Variants in KDM7A observed in about 807,000 individuals in gnomAD.
KDM7A encodes lysine demethylase 7A, also known as lysine-specific demethylase 7A.
In KDM7A, 28 loss-of-function variants were observed where a neutral mutation model predicts 114.8. The ratio of observed to expected loss-of-function variants is 0.24; its 90% confidence interval spans 0.18 to 0.33. The LOEUF (loss-of-function observed/expected upper bound fraction) is 0.33, where lower values mean the gene tolerates loss of function less well. Ranked by LOEUF, KDM7A falls within the 10% of genes least tolerant of loss-of-function variation. The pLI is 1.00. For missense variants in KDM7A, 942 were observed against 1,142.5 expected, an observed-to-expected ratio of 0.82 and a Z score of 2.53; for synonymous variants, 423 against 397.8, an observed-to-expected ratio of 1.06 and a Z score of -0.75.
At chr7:140,168,268 C>T (rs1302559717) in intron 1 of KDM7A, among the ~76,000 whole-genome samples, 1 of 152,100 alleles carries the variant, frequency 6.6e-6, no homozygotes, top group Non-Finnish European at 1.5e-5. Flanking sequence ...TAACCTGAAG[C>T]TGTATCTCAA....
intron 16 of KDM7A, 50 bp downstream of exon 16, chr7:140,096,849 T>A (rs748976077): frequency 3.1e-6 from 5 of 1,592,632 alleles, no homozygotes; most frequent in Non-Finnish European, 3.4e-6. Flanking sequence ...AAAGTGTTCA[T>A]AGTATTTACC....
chr7:140,174,303 C>A (rs927660021), intron 1 of KDM7A, among the ~76,000 whole-genome samples: 1 of 152,130 alleles, frequency 6.6e-6, no homozygotes, highest in Non-Finnish European at 1.5e-5. Flanking sequence ...GTCAAAAAGA[C>A]CCTGGGCTCA....
intron 1 of KDM7A, among the ~76,000 whole-genome samples, chr7:140,171,631 ATATATTTATTT>A (rs1284870951): frequency 6.8e-6 from 1 of 146,176 alleles, no homozygotes; most frequent in Non-Finnish European, 1.5e-5. Context: ...ATTTATAAAT[ATATATTTATTT>A]TATATATATT....
chr7:140,170,894 G>C (rs1295653311), intron 1 of KDM7A, among the ~76,000 whole-genome samples: 1 of 152,084 alleles, frequency 6.6e-6, no homozygotes, highest in Non-Finnish European at 1.5e-5. Context: ...TCTCATTCAA[G>C]ACAGAAACAA....
chr7:140,149,326 C>T (rs1794374216), intron 1 of KDM7A, among the ~76,000 whole-genome samples: 2 of 152,182 alleles, frequency 1.3e-5, no homozygotes, highest in East Asian at 3.8e-4. Flanking sequence ...GCTTCAAGTA[C>T]ATAAATGCTT....
At chr7:140,146,712 G>T (rs1771542122) in intron 1 of KDM7A, among the ~76,000 whole-genome samples, 1 of 152,148 alleles carries the variant, frequency 6.6e-6, no homozygotes, top group South Asian at 2.1e-4. Context: ...TCCATCTATA[G>T]AACAGCCTCA....
At chr7:140,101,922 T>C in intron 12 of KDM7A, 29 bp downstream of exon 12, 1 of 1,491,892 alleles carries the variant, frequency 6.7e-7, no homozygotes, top group East Asian at 2.3e-5. Context: ...GCCAAGTTTC[T>C]TTTTGTTGTC....
At chr7:140,109,687 A>G (rs778720322) in intron 11 of KDM7A, among the ~76,000 whole-genome samples, 91 of 152,220 alleles carry the variant, frequency 6.0e-4, no homozygotes, top group Non-Finnish European at 1.1e-3. Flanking sequence ...TCAGCTTCAG[A>G]TATTACTGAA....
At chr7:140,097,420 T>C (rs1585137661) in intron 15 of KDM7A, 125 bp downstream of exon 15, 5 of 581,484 alleles carry the variant, frequency 8.6e-6, no homozygotes, top group East Asian at 8.4e-5. Context: ...CAGAAGACCC[T>C]GTGCTAATGT....
intron 1 of KDM7A, among the ~76,000 whole-genome samples, chr7:140,171,462 G>A (rs996373463): frequency 2.8e-5 from 4 of 144,908 alleles, no homozygotes; most frequent in Non-Finnish European, 6.0e-5. Flanking sequence ...AGCAAGATTC[G>A]GTCTCAAAAA....
intron 12 of KDM7A, 99 bp downstream of exon 12, chr7:140,101,852 T>C: frequency 1.3e-6 from 1 of 785,064 alleles, no homozygotes; most frequent in Admixed American, 2.2e-5. Flanking sequence ...CAGCCAAGAT[T>C]AGATATCAAC....
intron 12 of KDM7A, among the ~76,000 whole-genome samples, chr7:140,101,053 A>T (rs74996844): frequency 0.059 from 8,864 of 149,096 alleles, 329 homozygotes; most frequent in East Asian, 0.14. Context: ...TTGGCCTTAA[A>T]CTCCTGGGCT....
At chr7:140,123,680 T>C (rs919200451) in intron 7 of KDM7A, among the ~76,000 whole-genome samples, 1 of 152,168 alleles carries the variant, frequency 6.6e-6, no homozygotes, top group Non-Finnish European at 1.5e-5. Flanking sequence ...ATTTCAGATT[T>C]TGGACTTTTG....
At chr7:140,091,737 T>C (rs991224342) in intron 19 of KDM7A, 67 bp downstream of exon 19, 1 of 1,544,762 alleles carries the variant, frequency 6.5e-7, no homozygotes, top group Non-Finnish European at 8.9e-7. Flanking sequence ...AGACTACACC[T>C]CAACTGCCAT....
chr7:140,126,352 A>G (rs931179900), intron 6 of KDM7A, among the ~76,000 whole-genome samples: 21 of 152,098 alleles, frequency 1.4e-4, no homozygotes, highest in East Asian at 7.7e-4. Flanking sequence ...TAACTAGGGG[A>G]AAAAAAATCA....
intron 13 of KDM7A, among the ~76,000 whole-genome samples, chr7:140,099,696 A>T (rs542263060): frequency 6.6e-6 from 1 of 152,294 alleles, no homozygotes; most frequent in South Asian, 2.1e-4. Flanking sequence ...CATGTCCAAG[A>T]GTTACACACT....
At position 140,105,357 on chromosome 7, in the gene KDM7A, G is replaced by C. The variant is rs1818314166; in HGVS notation, c.1429-3197C>G. Among the ~76,000 whole-genome samples, 2 of 152,164 alleles carry C rather than the reference G, an allele frequency of 1.3e-5. 1 individual carries two copies. The highest frequency in any genetic ancestry group is 4.8e-5 in the African/African-American group (2 of 41,438). ...AGGAGTGGTGAGAGAGGGCATTCCT[G>C]TCTTGTGCCAGTTTTCAAAGGGAAT... On this transcript the variant is annotated intron_variant, in intron 11 of 19. Coordinates refer to ENST00000397560, the MANE Select transcript of KDM7A (RefSeq NM_030647.2).
Position 140,120,886 on chromosome 7 carries a change from C to G in KDM7A, c.1052-357G>C, listed in dbSNP as rs80074530. ...GCCTCCCAAAGTGCTGAAATTAAGG[C>G]GTGAGCCACTGTGCCCAGCCTGTTT... On this transcript the variant is annotated intron_variant, in intron 7 of 19. Coordinates refer to ENST00000397560, the MANE Select transcript of KDM7A (RefSeq NM_030647.2). Among the ~76,000 whole-genome samples the G allele has an allele frequency of 4.5e-3, 690 of 152,278 alleles. 8 individuals carry two copies. The highest frequency in any genetic ancestry group is 0.015 in the African/African-American group (634 of 41,562).
intron 9 of KDM7A, among the ~76,000 whole-genome samples, chr7:140,117,143 G>A (rs1447942373): frequency 6.6e-6 from 1 of 152,164 alleles, no homozygotes; most frequent in Non-Finnish European, 1.5e-5. Context: ...CACTATGATT[G>A]CCAGGTATTC....
Sources: allele counts gnomAD v4.1 joint callset (sites outside exome capture counted in the v4.1 genomes callset), GRCh38; gene constraint gnomAD v4.1.1; transcripts MANE v1.5; gene names NCBI Gene and HGNC (gene_info 2026-07-23, HGNC 2026-07-21).